The following SAXO4 variants were observed in gnomAD, a reference collection of about 807,000 sequenced individuals.
The protein encoded by SAXO4 is protein phosphatase 1 regulatory subunit 32.
At chr11:61,484,250 G>A in the SAXO4 span, among the ~76,000 whole-genome samples, 8,124 of 152,152 alleles carry the variant, frequency 0.053, 747 homozygotes, top group African/African-American at 0.18. Flanking sequence ...CTCAAAAAAT[G>A]TAAGTAATAA....
At chr11:61,487,043 G>C in the SAXO4 span, 48 of 1,614,026 alleles carry the variant, frequency 3.0e-5, no homozygotes, top group African/African-American at 5.2e-4. Flanking sequence ...TGCTTGGCCG[G>C]GAGACTGTGG....
the SAXO4 span, chr11:61,482,548 C>A: frequency 6.3e-7 from 1 of 1,577,782 alleles, no homozygotes; most frequent in Non-Finnish European, 8.7e-7. Context: ...TGACTCAGGG[C>A]ACAGCGGACC....
the SAXO4 span, among the ~76,000 whole-genome samples, chr11:61,483,367 C>T: frequency 6.6e-6 from 1 of 151,914 alleles, no homozygotes; most frequent in Non-Finnish European, 1.5e-5. Context: ...AGGGTTTCAC[C>T]GTGTTAGCCA....
the SAXO4 span, among the ~76,000 whole-genome samples, chr11:61,488,622 A>G: frequency 6.6e-6 from 1 of 152,114 alleles, no homozygotes; most frequent in Non-Finnish European, 1.5e-5. Flanking sequence ...AACATCAGTC[A>G]CCTGTGTCCA....
chr11:61,485,706 C>A, the SAXO4 span: 1 of 949,504 alleles, frequency 1.1e-6, no homozygotes, highest in Non-Finnish European at 1.7e-6. Context: ...ATCTTGGGAT[C>A]CACTCCCTCT....
chr11:61,482,245 GC>G, the SAXO4 span: 1 of 1,452,502 alleles, frequency 6.9e-7, no homozygotes, highest in Non-Finnish European at 9.6e-7. Flanking sequence ...GAGGACGCTG[GC>G]CCTGCCTGGG....
the SAXO4 span, chr11:61,481,877 A>AC: frequency 1.3e-6 from 2 of 1,571,546 alleles, no homozygotes. Context: ...GGCTACACGG[A>AC]CCCCCTGAAA....
the SAXO4 span, chr11:61,487,377 C>G: frequency 8.0e-6 from 6 of 753,086 alleles, no homozygotes; most frequent in Non-Finnish European, 1.3e-5. Context: ...TACCCTAAGC[C>G]AAGGATTGGA....
the SAXO4 span, chr11:61,489,814 A>T: frequency 6.2e-7 from 1 of 1,613,804 alleles, no homozygotes; most frequent in African/African-American, 1.3e-5. Context: ...GGTCTAGACC[A>T]GGAAGGCTGG....
the SAXO4 span, among the ~76,000 whole-genome samples, chr11:61,488,019 C>T: frequency 6.7e-6 from 1 of 149,358 alleles, no homozygotes; most frequent in South Asian, 2.1e-4. Flanking sequence ...TGGAGTTTCA[C>T]TCTGTCGCCC....
chr11:61,489,719 C>T, the SAXO4 span: 1 of 1,553,644 alleles, frequency 6.4e-7, no homozygotes, highest in Non-Finnish European at 8.9e-7. Flanking sequence ...TGGAGAAGGG[C>T]AGCAGGGGTT....
the SAXO4 span, chr11:61,487,340 T>C: frequency 9.9e-7 from 1 of 1,013,530 alleles, no homozygotes; most frequent in South Asian, 1.3e-5. Context: ...AGATCAATGC[T>C]GAGTGAATAT....
At chr11:61,490,048 C>A in the SAXO4 span, 1 of 1,188,268 alleles carries the variant, frequency 8.4e-7, no homozygotes, top group Non-Finnish European at 1.2e-6. Flanking sequence ...CCGGTTCATT[C>A]CTATGAGAGG....
At chr11:61,486,014 C>A in the SAXO4 span, 1 of 822,736 alleles carries the variant, frequency 1.2e-6, no homozygotes, top group South Asian at 1.7e-5. Context: ...GCCCTTTGTT[C>A]AAACACAAGA....
the SAXO4 span, chr11:61,482,245 G>A: frequency 3.4e-6 from 5 of 1,452,502 alleles, no homozygotes; most frequent in Non-Finnish European, 4.8e-6. Flanking sequence ...GAGGACGCTG[G>A]CCCTGCCTGG....
At chr11:61,490,473 C>T in the SAXO4 span, 1 of 1,605,658 alleles carries the variant, frequency 6.2e-7, no homozygotes, top group Non-Finnish European at 8.5e-7. Context: ...GCCAACACCC[C>T]CAACACTCTC....
At chr11:61,486,555 G>C in the SAXO4 span, 4 of 1,614,214 alleles carry the variant, frequency 2.5e-6, no homozygotes, top group South Asian at 2.2e-5. Context: ...TTGGCCAGAG[G>C]CTCCAAGCGG....
the SAXO4 span, chr11:61,481,712 C>T: frequency 1.6e-6 from 1 of 606,910 alleles, no homozygotes; most frequent in Non-Finnish European, 2.7e-6. Context: ...TGGTGGGGGG[C>T]AGATCTTCGC....
chr11:61,490,468 C>T, the SAXO4 span: 1 of 1,593,576 alleles, frequency 6.3e-7, no homozygotes, highest in African/African-American at 1.3e-5. Context: ...TGCCTGCCAA[C>T]ACCCCCAACA....
Sources: gnomAD v4.1 joint callset for allele counts (sites outside exome capture counted in the v4.1 genomes callset) on GRCh38, gnomAD v4.1.1 for gene constraint, MANE v1.5 for transcripts, NCBI Gene and HGNC (gene_info 2026-07-23, HGNC 2026-07-21) for gene names.